Variants in MICAL3 observed in about 807,000 individuals in gnomAD.
MICAL3 encodes [F-actin]-monooxygenase MICAL3.
Under a neutral mutation model 207.4 loss-of-function variants are expected in MICAL3, and 62 were observed. The observed-to-expected ratio is 0.30, with a 90% CI of 0.24 to 0.37. MICAL3 has a LOEUF of 0.37. Ranked by LOEUF, MICAL3 falls within the 10% of genes least tolerant of loss-of-function variation. The pLI, the probability that MICAL3 is intolerant of heterozygous loss-of-function variation, is 1.00. For missense variants in MICAL3, 2,368 were observed against 2,635.6 expected (o/e 0.90, Z 2.22); for synonymous variants, 1,077 against 1,069.3 (o/e 1.01, Z -0.14).
At chr22:17,891,383 A>AG (rs1930383946) in intron 12 of MICAL3, 102 bp downstream of exon 12, 1 of 1,009,178 alleles carries the variant, frequency 9.9e-7, no homozygotes, top group Non-Finnish European at 1.5e-6. Flanking sequence ...GTATCTTACT[A>AG]TGTACCTCAT....
intron 1 of MICAL3, among the ~76,000 whole-genome samples, chr22:17,928,011 A>T (rs1324591614): frequency 6.6e-6 from 1 of 152,048 alleles, no homozygotes; most frequent in Non-Finnish European, 1.5e-5. Context: ...CTGACTGTAT[A>T]CTCTGAGCAC....
intron 1 of MICAL3, among the ~76,000 whole-genome samples, chr22:18,000,339 T>C (rs1024748811): frequency 6.6e-6 from 1 of 152,196 alleles, no homozygotes; most frequent in African/African-American, 2.4e-5. Flanking sequence ...AACATCTGCA[T>C]TAAACACCAT....
In MICAL3 at chr22:17,845,695, G is replaced by C. The variant is rs572006750; in HGVS notation, c.2606-3678C>G. Among the ~76,000 whole-genome samples, 4 of 152,126 alleles carry C rather than the reference G, an allele frequency of 2.6e-5. No homozygotes were observed. In the South Asian group the frequency reaches 8.3e-4, roughly 32 times the overall value. On this transcript the variant is annotated intron_variant, in intron 19 of 31. Coordinates refer to ENST00000441493, the MANE Select transcript of MICAL3 (RefSeq NM_015241.3). ...CAAGATCTGAACATGAGGAGGAAAG[G>C]CATCACTCAGGAGATCACCATGCTG...
intron 1 of MICAL3, among the ~76,000 whole-genome samples, chr22:17,979,040 G>A (rs576512499): frequency 8.4e-4 from 128 of 151,700 alleles, no homozygotes; most frequent in African/African-American, 2.9e-3. Context: ...GCTGGGTGTG[G>A]TGGTACACTT....
intron 19 of MICAL3, among the ~76,000 whole-genome samples, chr22:17,858,177 C>T (rs1926128837): frequency 6.6e-6 from 1 of 152,198 alleles, no homozygotes; most frequent in South Asian, 2.1e-4. Context: ...AGCCTACCAC[C>T]CCCTCCCGCC....
At chr22:17,813,719 G>A (rs998689564) in intron 27 of MICAL3, 27 of 152,288 alleles carry the variant, frequency 1.8e-4, no homozygotes, top group African/African-American at 6.5e-4. Flanking sequence ...CCCATTTTCT[G>A]GGCTGGGAGG....
chr22:17,938,862 C>T (rs1933675697), intron 1 of MICAL3, among the ~76,000 whole-genome samples: 1 of 152,200 alleles, frequency 6.6e-6, no homozygotes, highest in Non-Finnish European at 1.5e-5. Context: ...CATTACAGCT[C>T]ATGATCTGCG....
At chr22:17,893,381 C>G (rs1930538475) in intron 11 of MICAL3, among the ~76,000 whole-genome samples, 1 of 152,190 alleles carries the variant, frequency 6.6e-6, no homozygotes, top group Non-Finnish European at 1.5e-5. Context: ...TGGTCCTCAC[C>G]TGTCACTGAA....
At chr22:17,877,053 AGG>A in intron 16 of MICAL3, among the ~76,000 whole-genome samples, 1 of 145,780 alleles carries the variant, frequency 6.9e-6, no homozygotes, top group African/African-American at 2.6e-5. Flanking sequence ...TATGGAGGTT[AGG>A]GAGGTTATGG....
Position 17,827,777 on chromosome 22 carries a change from C to T in MICAL3, c.3060G>A (p.Gly1020=). The change falls in exon 22 of 32, where the codon GGG becomes GGA. Residue 1020 remains glycine, a synonymous_variant. Transcript: ENST00000441493. ...DEEEEESSEA[G]NQRLQQVMHA... is the part of the protein sequence containing the mutation. ...GCATGACCTGCTGGAGCCTCTGGTT[C>T]CCGGCTAGTGTCCCAGGGTCAAGGG... 6.5e-7 allele frequency: 1 copy of T among 1,547,898 alleles called. No homozygotes were observed.
At position 17,817,682 on chromosome 22, in the gene MICAL3, T is replaced by C; in HGVS notation, c.4979A>G (p.Glu1660Gly). 1 of 1,608,020 alleles carries C rather than the reference T, an allele frequency of 6.2e-7. No individual in the cohort carries two copies. Among genetic ancestry groups the C allele is most frequent in the East Asian group, 2.2e-5 (1 of 44,832 alleles). ...GGTGGCTTCATGCTTCAGGGTGGGC[T>C]CCTCGGAGCCCCTGAGAGTGGGGCG... ...PTRPTLRGSE[E>G]PTLKHEATSE... Residue 1660 changes from glutamate to glycine, a missense_variant, in exon 26 of 32, where the codon GAG becomes GGG. Glu to Gly is a moderately conservative substitution (Grantham distance 98, BLOSUM62 -2). Coordinates refer to ENST00000441493, the MANE Select transcript of MICAL3 (RefSeq NM_015241.3).
intron 2 of MICAL3, among the ~76,000 whole-genome samples, chr22:17,905,407 C>A (rs1331514868): frequency 6.6e-6 from 1 of 152,178 alleles, no homozygotes; most frequent in Non-Finnish European, 1.5e-5. Flanking sequence ...TCTCGAAAAT[C>A]CACACTCCAG....
At chr22:17,895,961 C>T (rs1930792330) in intron 9 of MICAL3, among the ~76,000 whole-genome samples, 1 of 152,120 alleles carries the variant, frequency 6.6e-6, no homozygotes, top group Non-Finnish European at 1.5e-5. Flanking sequence ...CACTTATAAG[C>T]AGTTTGGTGT....
At chr22:18,017,911 C>T (rs865870567) in intron 1 of MICAL3, among the ~76,000 whole-genome samples, 26 of 151,926 alleles carry the variant, frequency 1.7e-4, no homozygotes, top group African/African-American at 4.4e-4. Context: ...CCACCACGCC[C>T]GGCTCATTTT....
At chr22:17,857,821 C>G (rs1168679902) in intron 19 of MICAL3, among the ~76,000 whole-genome samples, 1 of 152,172 alleles carries the variant, frequency 6.6e-6, no homozygotes, top group Non-Finnish European at 1.5e-5. Context: ...TGCCTTCTTC[C>G]CGTTTTAGGC....
intron 16 of MICAL3, among the ~76,000 whole-genome samples, chr22:17,880,226 C>T (rs894357157): frequency 1.1e-4 from 16 of 152,172 alleles, no homozygotes; most frequent in African/African-American, 3.9e-4. Context: ...GCTTACTATG[C>T]GGCTCAGACA....
At chr22:17,964,111 C>T (rs1233719042) in intron 1 of MICAL3, among the ~76,000 whole-genome samples, 3 of 152,178 alleles carry the variant, frequency 2.0e-5, no homozygotes, top group Non-Finnish European at 2.9e-5. Flanking sequence ...GTCTCCAGGA[C>T]ATTACAAACA....
Position 17,893,800 on chromosome 22 carries a change from G to C in MICAL3, c.1546+8C>G. ...CCTGCATTTTAAAAAGCCACCACCAGAACTCACCATTGCGAGTCAATTTGG... is the reference window on the plus strand; with the variant it reads ...CCTGCATTTTAAAAAGCCACCACCACAACTCACCATTGCGAGTCAATTTGG... On this transcript the variant is annotated splice_region_variant and intron_variant, in intron 11 of 31. Transcript: ENST00000441493. 6.4e-7 allele frequency: 1 copy of C among 1,554,444 alleles called. No homozygotes were observed. Among genetic ancestry groups the C allele is most frequent in the African/African-American group, 1.4e-5 (1 of 73,524 alleles).
intron 1 of MICAL3, among the ~76,000 whole-genome samples, chr22:17,958,701 TTTTA>T (rs1175216089): frequency 1.1e-3 from 146 of 135,944 alleles, no homozygotes; most frequent in African/African-American, 4.5e-3. Flanking sequence ...TGTTGGGTTT[TTTTA>T]TTTTTTTTTT....
Sources: allele counts gnomAD v4.1 joint callset (sites outside exome capture counted in the v4.1 genomes callset), GRCh38; gene constraint gnomAD v4.1.1; transcripts MANE v1.5; gene names NCBI Gene and HGNC (gene_info 2026-07-23, HGNC 2026-07-21).